MEF2C: variants seen among roughly 807,000 people sequenced by gnomAD.
MEF2C encodes the protein myocyte enhancer factor 2C.
Under a neutral mutation model 50.5 loss-of-function variants are expected in MEF2C, and 6 were observed. The observed-to-expected ratio is 0.12, with a 90% CI of 0.07 to 0.23. The LOEUF (loss-of-function observed/expected upper bound fraction) is 0.23. Among genes scored for constraint, MEF2C ranks in the 10% least tolerant of loss-of-function variants. The probability of loss-of-function intolerance (pLI) is 1.00; values close to 1 mark genes in which losing one functional copy is unlikely to be tolerated. For synonymous variants in MEF2C, 183 were observed against 228.0 expected (o/e 0.80, Z 1.78); for missense variants, 276 against 605.0 (o/e 0.46, Z 5.70).
intron 3 of MEF2C, among the ~76,000 whole-genome samples, chr5:88,803,263 A>T (rs1408325465): frequency 6.6e-6 from 1 of 152,248 alleles, no homozygotes; most frequent in African/African-American, 2.4e-5. Context: ...TCTATTTATC[A>T]TTCACTTTTG....
At position 88,717,902 on chromosome 5, in the gene MEF2C, T is replaced by A. The variant is rs1755145647; in HGVS notation, c.*4702A>T. The A allele has an allele frequency of 6.6e-6, 1 of 152,242 alleles. No individual in the cohort carries two copies. Among genetic ancestry groups the A allele is most frequent in the African/African-American group, 2.4e-5 (1 of 41,472 alleles). 9.4% of individuals were successfully genotyped at this position (152,242 alleles called of 1,614,324 possible). ...CAGATTTTAGTTAAAAAATAACTTA[T>A]GGTACTGCTTTTCACAGTGGCTTTT... On this transcript the variant is annotated 3_prime_UTR_variant, in exon 11 of 11. Coordinates refer to ENST00000504921, the MANE Select transcript of MEF2C (RefSeq NM_002397.5).
intron 4 of MEF2C, chr5:88,760,927 GGGTTAA>G: frequency 6.5e-7 from 1 of 1,533,582 alleles, no homozygotes; most frequent in Non-Finnish European, 8.8e-7. Flanking sequence ...ATCACTGAGA[GGGTTAA>G]GGTATGTTAC....
chr5:88,867,793 A>C (rs978229882), intron 1 of MEF2C, among the ~76,000 whole-genome samples: 2 of 152,222 alleles, frequency 1.3e-5, no homozygotes, highest in Non-Finnish European at 2.9e-5. Flanking sequence ...CAAGCCAGCA[A>C]GAATTGAAAA....
chr5:88,777,708 T>C (rs926857788), intron 3 of MEF2C, among the ~76,000 whole-genome samples: 1 of 152,172 alleles, frequency 6.6e-6, no homozygotes, highest in African/African-American at 2.4e-5. Flanking sequence ...AAATATTATC[T>C]AAAATGTTTT....
intron 1 of MEF2C, among the ~76,000 whole-genome samples, chr5:88,872,969 T>A (rs1829966852): frequency 6.6e-6 from 1 of 151,986 alleles, no homozygotes. Flanking sequence ...TTAAACGATC[T>A]TCTCTCTCGA....
At chr5:88,855,368 T>A (rs1247672613) in intron 1 of MEF2C, among the ~76,000 whole-genome samples, 1 of 152,192 alleles carries the variant, frequency 6.6e-6, no homozygotes, top group Non-Finnish European at 1.5e-5. Context: ...AGTAATAAGA[T>A]GATATACTTC....
intron 1 of MEF2C, among the ~76,000 whole-genome samples, chr5:88,827,398 T>C (rs1811342004): frequency 6.6e-6 from 1 of 151,848 alleles, no homozygotes; most frequent in South Asian, 2.1e-4. Flanking sequence ...GGTGTAAAGG[T>C]GCTTCCTTCC....
At chr5:88,768,731 T>C (rs1489958377) in intron 3 of MEF2C, 25 of 981,912 alleles carry the variant, frequency 2.5e-5, no homozygotes, top group Non-Finnish European at 2.9e-5. Context: ...CAGTGCAGTA[T>C]TTTGCAACTG....
intron 3 of MEF2C, among the ~76,000 whole-genome samples, chr5:88,765,856 G>C (rs757383075): frequency 3.9e-5 from 6 of 152,202 alleles, no homozygotes; most frequent in African/African-American, 7.2e-5. Flanking sequence ...TCTTTCCTCA[G>C]AGAACTCAAG....
intron 3 of MEF2C, among the ~76,000 whole-genome samples, chr5:88,781,119 T>C (rs768000294): frequency 2.0e-5 from 3 of 152,146 alleles, no homozygotes; most frequent in South Asian, 2.1e-4. Flanking sequence ...AAAATCTGTG[T>C]AGTGAGGACC....
intron 2 of MEF2C, among the ~76,000 whole-genome samples, chr5:88,812,744 T>A (rs1581102605): frequency 6.6e-6 from 1 of 152,130 alleles, no homozygotes; most frequent in African/African-American, 2.4e-5. Context: ...AATAGCCTTA[T>A]CCAAGGTCCC....
intron 5 of MEF2C, chr5:88,750,072 C>G: frequency 1.6e-6 from 1 of 630,348 alleles, no homozygotes; most frequent in Non-Finnish European, 2.0e-6. Flanking sequence ...AAACAACATT[C>G]AGCCAAAAGA....
intron 1 of MEF2C, among the ~76,000 whole-genome samples, chr5:88,858,440 T>C (rs1423855059): frequency 6.6e-6 from 1 of 152,250 alleles, no homozygotes; most frequent in Non-Finnish European, 1.5e-5. Context: ...ATCATGGGCC[T>C]TGGCTGCATT....
chr5:88,839,992 A>C (rs1474495790), intron 1 of MEF2C, among the ~76,000 whole-genome samples: 4 of 152,198 alleles, frequency 2.6e-5, no homozygotes, highest in African/African-American at 9.6e-5. Flanking sequence ...TTAGAAATAC[A>C]TATTTGTATT....
intron 2 of MEF2C, among the ~76,000 whole-genome samples, chr5:88,808,542 C>T (rs890688293): frequency 2.0e-5 from 3 of 152,132 alleles, no homozygotes; most frequent in African/African-American, 7.2e-5. Context: ...TCAAAGAAGT[C>T]AGTGCATATA....
At chr5:88,841,878 GTTTTA>G (rs1026893206) in intron 1 of MEF2C, among the ~76,000 whole-genome samples, 28 of 152,142 alleles carry the variant, frequency 1.8e-4, no homozygotes, top group African/African-American at 6.5e-4. Flanking sequence ...AATGGGCTAC[GTTTTA>G]TTTTATCTTT....
At chr5:88,827,523 T>A (rs186615487) in intron 1 of MEF2C, among the ~76,000 whole-genome samples, 54 of 152,096 alleles carry the variant, frequency 3.6e-4, no homozygotes, top group African/African-American at 1.1e-3. Context: ...TTGGAGAGGT[T>A]CAGATAAGGG....
In MEF2C at chr5:88,718,132, A is replaced by C. The variant is rs1755176168; in HGVS notation, c.*4472T>G. 6.6e-6 allele frequency: 1 copy of C among 152,232 alleles called. No homozygotes were observed. Among genetic ancestry groups the C allele is most frequent in the Admixed American group, 6.5e-5 (1 of 15,280 alleles). The allele number at this position is 152,232 out of a possible 1,614,324, so 9.4% of individuals were successfully genotyped here. ...ATAATATTTTGAGTTGAAAACTGAG[A>C]AAGCTCATTTGTGCTTGTGGCATAA... is the stretch of plus-strand genomic sequence containing the variant. On this transcript the variant is annotated 3_prime_UTR_variant, in exon 11 of 11. Transcript: ENST00000504921.
intron 2 of MEF2C, among the ~76,000 whole-genome samples, chr5:88,822,892 A>G (rs1413030798): frequency 2.6e-5 from 4 of 151,988 alleles, no homozygotes; most frequent in African/African-American, 2.4e-5. Context: ...CAGCAGTACT[A>G]TAATTTCTCC....
Sources: gnomAD v4.1 joint callset for allele counts (sites outside exome capture counted in the v4.1 genomes callset) on GRCh38, gnomAD v4.1.1 for gene constraint, MANE v1.5 for transcripts, NCBI Gene and HGNC (gene_info 2026-07-23, HGNC 2026-07-21) for gene names.